The following CNMD variants were observed in gnomAD, a reference collection of about 807,000 sequenced individuals.
CNMD encodes chondromodulin.
In CNMD, 30 loss-of-function variants were observed where a neutral mutation model predicts 37.5. That is an observed-to-expected ratio of 0.80 (90% CI 0.60 to 1.09). The LOEUF (loss-of-function observed/expected upper bound fraction) is 1.09. CNMD is among the 50% of genes least tolerant of loss of function. The pLI is 0.00. For missense variants in CNMD, 398 were observed against 423.9 expected, an observed-to-expected ratio of 0.94 and a Z score of 0.54; for synonymous variants, 167 against 148.2, an observed-to-expected ratio of 1.13 and a Z score of -0.92.
At chr13:52,732,906 T>G (rs1964697533) in intron 3 of CNMD, among the ~76,000 whole-genome samples, 1 of 152,240 alleles carries the variant, frequency 6.6e-6, no homozygotes, top group Admixed American at 6.5e-5. Flanking sequence ...GGGACATACC[T>G]TTAATTTCCT....
intron 2 of CNMD, among the ~76,000 whole-genome samples, chr13:52,737,520 ATC>A (rs1403662718): frequency 6.6e-6 from 1 of 152,172 alleles, no homozygotes; most frequent in South Asian, 2.1e-4. Context: ...TGATTGTTTA[ATC>A]TCTCTTTTTA....
At chr13:52,715,002 C>A (rs976320772) in intron 4 of CNMD, among the ~76,000 whole-genome samples, 4 of 152,008 alleles carry the variant, frequency 2.6e-5, no homozygotes, top group African/African-American at 9.7e-5. Flanking sequence ...CACCTATTTT[C>A]TTTTTTTATT....
chr13:52,735,819 C>A (rs140006888), intron 2 of CNMD, among the ~76,000 whole-genome samples: 5,116 of 147,410 alleles, frequency 0.035, 126 homozygotes, highest in South Asian at 0.06. Flanking sequence ...TGTGCAGCTG[C>A]GGCCCACCTT....
At chr13:52,712,354 G>T (rs1964303061) in intron 5 of CNMD, among the ~76,000 whole-genome samples, 1 of 152,128 alleles carries the variant, frequency 6.6e-6, no homozygotes, top group African/African-American at 2.4e-5. Flanking sequence ...CAGTTTCTTA[G>T]TCCCTTGATT....
Position 52,739,016 on chromosome 13 carries a change from GC to G in CNMD, c.213+14del. 6.4e-7 allele frequency: 1 copy of G among 1,552,970 alleles called. No homozygotes were observed. On this transcript the variant is annotated intron_variant, in intron 2 of 6. Coordinates refer to ENST00000377962, the MANE Select transcript of CNMD (RefSeq NM_007015.3). The surrounding 1 kb of genome is among the most constrained non-coding windows in gnomAD (Gnocchi z 5.4). The stretch of plus-strand genomic sequence containing the variant: ...GGCGACACGGGGGTCCCCGCGCGCC[GC>G]CCTCTGGACTTACGTGACTGTCGCT...
intron 2 of CNMD, among the ~76,000 whole-genome samples, chr13:52,737,133 T>C (rs1964782967): frequency 1.3e-5 from 2 of 152,222 alleles, no homozygotes; most frequent in African/African-American, 4.8e-5. Flanking sequence ...ATAATCCATT[T>C]GGTTTGACAA....
Position 52,739,663 on chromosome 13 carries a change from C to T in CNMD, c.39G>A (p.Val13=), listed in dbSNP as rs1215834927. The change falls in exon 1 of 7, where the codon GTG becomes GTA. Residue 13 remains valine (V), a synonymous_variant. Transcript: ENST00000377962. This position sits in a 1 kb window ranked among gnomAD's most constrained non-coding sequence, Gnocchi z 5.4. ...ENSDKVPIAL[V]GPDDVEFCSP... ...TGCAGAATTCCACGTCATCAGGTCC[C>T]ACCAGGGCAATGGGAACTTTGTCGG... is the stretch of plus-strand genomic sequence containing the variant. 6.2e-7 allele frequency: 1 copy of T among 1,614,070 alleles called. No individual in the cohort carries two copies. The highest frequency in any genetic ancestry group is 2.2e-5 in the East Asian group (1 of 44,886).
chr13:52,717,963 G>A (rs777151437), intron 4 of CNMD, among the ~76,000 whole-genome samples: 6 of 152,072 alleles, frequency 3.9e-5, no homozygotes, highest in Non-Finnish European at 7.4e-5. Context: ...CTGTGAATCC[G>A]TCTGGTCCTG....
intron 2 of CNMD, among the ~76,000 whole-genome samples, chr13:52,733,942 C>A (rs952939399): frequency 6.6e-6 from 1 of 152,178 alleles, no homozygotes; most frequent in Non-Finnish European, 1.5e-5. Context: ...GGACTGCAGA[C>A]AGGACCAGGG....
intron 2 of CNMD, among the ~76,000 whole-genome samples, chr13:52,736,295 T>C (rs1380024068): frequency 6.6e-6 from 1 of 151,642 alleles, no homozygotes; most frequent in African/African-American, 2.4e-5. Context: ...CGCCCGGCCT[T>C]TATTTGCATT....
At chr13:52,721,933 G>T (rs1964490742) in intron 4 of CNMD, among the ~76,000 whole-genome samples, 1 of 152,166 alleles carries the variant, frequency 6.6e-6, no homozygotes, top group Admixed American at 6.5e-5. Context: ...GGGTCCATTT[G>T]TAGGGAAAAT....
At chr13:52,728,104 C>G (rs991088411) in intron 3 of CNMD, among the ~76,000 whole-genome samples, 3 of 152,026 alleles carry the variant, frequency 2.0e-5, no homozygotes, top group Non-Finnish European at 4.4e-5. Context: ...AAAAAATCAC[C>G]TGGGCCAGGG....
Position 52,715,031 on chromosome 13 carries a change from A to G in CNMD, c.469-2162T>C, listed in dbSNP as rs181765770. ...TTTTATTTTTAATTTTTGTGGATCT[A>G]TAGTAGGTATATACTTATGGGTTAC... On this transcript the variant is annotated intron_variant, in intron 4 of 6. Coordinates refer to ENST00000377962, the MANE Select transcript of CNMD (RefSeq NM_007015.3). Among the ~76,000 whole-genome samples the G allele has an allele frequency of 1.4e-4, 22 of 152,218 alleles. No homozygotes were observed. In the East Asian group the frequency reaches 3.9e-3, roughly 27 times the overall value.
rs1418890044 is a variant in CNMD, at chr13:52,739,566, G to A, written c.72+64C>T. ...TTCGGTGGCACGCACCCCTGAGTCC[G>A]AACTGTGGAACCTGATACTCACACA... On this transcript the variant is annotated intron_variant, in intron 1 of 6. Coordinates refer to ENST00000377962, the MANE Select transcript of CNMD (RefSeq NM_007015.3). The surrounding 1 kb of genome is among the most constrained non-coding windows in gnomAD (Gnocchi z 5.4). 1 of 1,455,516 alleles carries A rather than the reference G, an allele frequency of 6.9e-7. No individual in the cohort carries two copies. Among genetic ancestry groups the A allele is most frequent in the Non-Finnish European group, 9.6e-7 (1 of 1,036,828 alleles). 90.2% of individuals were successfully genotyped at this position (1,455,516 alleles called of 1,614,324 possible). A position where few individuals can be genotyped will look rare whatever the true frequency, so the allele number is the denominator to read the frequency against.
chr13:52,728,170 G>A (rs1010352617), intron 3 of CNMD, among the ~76,000 whole-genome samples: 1 of 152,096 alleles, frequency 6.6e-6, no homozygotes, highest in Non-Finnish European at 1.5e-5. Flanking sequence ...GGAGGATCAC[G>A]AGGTCAAGAG....
At chr13:52,736,911 A>C (rs760572044) in intron 2 of CNMD, among the ~76,000 whole-genome samples, 3 of 152,170 alleles carry the variant, frequency 2.0e-5, no homozygotes, top group Non-Finnish European at 2.9e-5. Flanking sequence ...ATTTACAATA[A>C]TGTGGATGAA....
intron 3 of CNMD, among the ~76,000 whole-genome samples, chr13:52,731,114 A>G (rs1424444511): frequency 6.6e-6 from 1 of 152,002 alleles, no homozygotes; most frequent in African/African-American, 2.4e-5. Flanking sequence ...TGAAATCCTG[A>G]TTATTCTTCA....
At chr13:52,718,441 A>G (rs535923029) in intron 4 of CNMD, among the ~76,000 whole-genome samples, 2,592 of 152,166 alleles carry the variant, frequency 0.017, 27 homozygotes, top group Non-Finnish European at 0.028. Flanking sequence ...TTAGGGTGTC[A>G]GTTTTAGATC....
chr13:52,719,539 C>T (rs2138244259), intron 4 of CNMD, among the ~76,000 whole-genome samples: 1 of 152,312 alleles, frequency 6.6e-6, no homozygotes, highest in Middle Eastern at 3.4e-3. Flanking sequence ...CACAATCTCT[C>T]AGCATTTGCT....
Sources: gnomAD v4.1 joint callset for allele counts (sites outside exome capture counted in the v4.1 genomes callset) on GRCh38, gnomAD v4.1.1 for gene constraint, Gnocchi (gnomAD v3.1) non-coding constraint, MANE v1.5 for transcripts, NCBI Gene and HGNC (gene_info 2026-07-23, HGNC 2026-07-21) for gene names.